Variants in SEMA5A observed in about 807,000 individuals in gnomAD.
SEMA5A encodes the protein semaphorin 5A.
In SEMA5A, 55 loss-of-function variants were observed where a neutral mutation model predicts 135.5. That is an observed-to-expected ratio of 0.41 (90% CI 0.33 to 0.51). The LOEUF (loss-of-function observed/expected upper bound fraction) is 0.51, where lower values mean the gene tolerates loss of function less well. SEMA5A is among the 20% of genes least tolerant of loss of function. The pLI, the probability that SEMA5A is intolerant of heterozygous loss-of-function variation, is 0.37. For synonymous variants in SEMA5A, 580 were observed against 546.5 expected (o/e 1.06, Z -0.85); for missense variants, 1,290 against 1,419.9 (o/e 0.91, Z 1.47).
intron 1 of SEMA5A, among the ~76,000 whole-genome samples, chr5:9,478,165 AGAGTT>A (rs1759742034): frequency 6.6e-6 from 1 of 152,250 alleles, no homozygotes; most frequent in Non-Finnish European, 1.5e-5. Flanking sequence ...ACAGAAAACA[AGAGTT>A]GAGCTTTGAG....
chr5:9,221,536 T>G (rs972249604), intron 8 of SEMA5A, among the ~76,000 whole-genome samples: 1 of 151,926 alleles, frequency 6.6e-6, no homozygotes, highest in Non-Finnish European at 1.5e-5. Context: ...TCTCCTGACC[T>G]CGTGATCCGC....
chr5:9,376,628 C>T (rs557466907), intron 3 of SEMA5A, among the ~76,000 whole-genome samples: 1 of 152,208 alleles, frequency 6.6e-6, no homozygotes, highest in Non-Finnish European at 1.5e-5. Flanking sequence ...AACTGAGCAT[C>T]TTCTTGATCT....
intron 1 of SEMA5A, among the ~76,000 whole-genome samples, chr5:9,532,083 C>A (rs1324303372): frequency 6.6e-6 from 1 of 152,182 alleles, no homozygotes; most frequent in African/African-American, 2.4e-5. Context: ...ATGAATAAGG[C>A]ACAATAATTC....
At chr5:9,213,583 G>A (rs536909545) in intron 8 of SEMA5A, among the ~76,000 whole-genome samples, 26 of 152,244 alleles carry the variant, frequency 1.7e-4, no homozygotes, top group Non-Finnish European at 2.6e-4. Context: ...GCAGAACAGC[G>A]CCCAGCAAAC....
intron 12 of SEMA5A, among the ~76,000 whole-genome samples, chr5:9,150,780 C>G (rs1742591222): frequency 6.6e-6 from 1 of 152,124 alleles, no homozygotes; most frequent in South Asian, 2.1e-4. Flanking sequence ...AGTCTGATGG[C>G]AAGCAGAATG....
intron 2 of SEMA5A, among the ~76,000 whole-genome samples, chr5:9,429,928 G>A (rs1420777236): frequency 6.6e-6 from 1 of 152,254 alleles, no homozygotes; most frequent in Non-Finnish European, 1.5e-5. Context: ...TCAGCAGAGA[G>A]CCTGTCTGGT....
rs1745930655 is a variant in SEMA5A, at chr5:9,204,991, C to T, written c.647-2751G>A. 6.6e-6 allele frequency among the ~76,000 whole-genome samples: 1 copy of T among 152,174 alleles called. No homozygotes were observed. The highest frequency in any genetic ancestry group is 2.4e-5 in the African/African-American group (1 of 41,422). ...TCCCTAAACCATCCCCTCTATCCTC[C>T]CTGCCACCCCCAGTTTATGGAAGAC... On this transcript the variant is annotated intron_variant, in intron 8 of 22. Transcript: ENST00000382496. This position sits in a 1 kb window ranked among gnomAD's most constrained non-coding sequence, Gnocchi z 6.4.
rs374693547 is a variant in SEMA5A, at chr5:9,081,474, A to G, written c.2074-14828T>C. 7.2e-5 allele frequency among the ~76,000 whole-genome samples: 11 copies of G among 152,348 alleles called. No individual in the cohort carries two copies. The East Asian group carries it at 1.5e-3, about 21-fold the overall frequency. ...TATATATAGACATAGATAGAGATATATACATCCAGTTTCCCACTGGCAAGG... is the reference window on the plus strand; with the variant it reads ...TATATATAGACATAGATAGAGATATGTACATCCAGTTTCCCACTGGCAAGG... On this transcript the variant is annotated intron_variant, in intron 16 of 22. Transcript: ENST00000382496.
chr5:9,435,915 C>G (rs1335155736), intron 2 of SEMA5A, among the ~76,000 whole-genome samples: 1 of 152,184 alleles, frequency 6.6e-6, no homozygotes, highest in East Asian at 1.9e-4. Flanking sequence ...TTCTGAGTTT[C>G]TCTCTACAGG....
intron 19 of SEMA5A, 107 bp from the exon 20 acceptor site, chr5:9,052,135 A>T (rs749231031): frequency 3.0e-5 from 38 of 1,253,008 alleles, no homozygotes; most frequent in Non-Finnish European, 3.9e-5. Context: ...AGGATTCCAT[A>T]GCATATTTTT....
chr5:9,207,009 G>A (rs1746057634), intron 8 of SEMA5A, among the ~76,000 whole-genome samples: 1 of 145,574 alleles, frequency 6.9e-6, no homozygotes, highest in Non-Finnish European at 1.5e-5. Flanking sequence ...GCTTTTGACT[G>A]CAAAATAGTA....
chr5:9,405,813 C>T (rs1358793557), intron 2 of SEMA5A, among the ~76,000 whole-genome samples: 1 of 152,090 alleles, frequency 6.6e-6, no homozygotes, highest in Non-Finnish European at 1.5e-5. Flanking sequence ...ATTGAATTGG[C>T]CATATAGAAG....
intron 5 of SEMA5A, among the ~76,000 whole-genome samples, chr5:9,281,684 G>A (rs1750548611): frequency 6.6e-6 from 1 of 152,180 alleles, no homozygotes; most frequent in Admixed American, 6.5e-5. Flanking sequence ...AATAGGGTAA[G>A]GCAAATCGGG....
intron 1 of SEMA5A, among the ~76,000 whole-genome samples, chr5:9,469,005 T>G (rs1186701229): frequency 6.6e-6 from 1 of 152,112 alleles, no homozygotes; most frequent in Non-Finnish European, 1.5e-5. Flanking sequence ...TTTTTTGTTT[T>G]GTTTTGTTTT....
At chr5:9,196,034 C>T (rs1745368423) in intron 10 of SEMA5A, among the ~76,000 whole-genome samples, 1 of 152,338 alleles carries the variant, frequency 6.6e-6, no homozygotes, top group South Asian at 2.1e-4. Flanking sequence ...AAGGCATTAC[C>T]CACCATAGCA....
intron 1 of SEMA5A, among the ~76,000 whole-genome samples, chr5:9,515,822 C>A (rs1337091866): frequency 3.9e-5 from 6 of 152,076 alleles, no homozygotes; most frequent in Non-Finnish European, 8.8e-5. Context: ...TTAACCTTCC[C>A]AAAAAATAGT....
intron 2 of SEMA5A, among the ~76,000 whole-genome samples, chr5:9,414,266 G>GCATAA (rs1757207622): frequency 6.6e-6 from 1 of 152,098 alleles, no homozygotes; most frequent in Non-Finnish European, 1.5e-5. Context: ...CATAAGACAT[G>GCATAA]GAAAACTACT....
chr5:9,176,845 A>C (rs1421804459), intron 11 of SEMA5A, among the ~76,000 whole-genome samples: 1 of 152,220 alleles, frequency 6.6e-6, no homozygotes, highest in African/African-American at 2.4e-5. Context: ...TCTGGTATTC[A>C]GGTCAGACTC....
chr5:9,201,769 T>C (rs565221107), intron 9 of SEMA5A, among the ~76,000 whole-genome samples, 186 bp downstream of exon 9: 1 of 152,328 alleles, frequency 6.6e-6, no homozygotes, highest in East Asian at 1.9e-4. Flanking sequence ...CTAATACCAG[T>C]CTCACAAATC....
Sources: allele counts gnomAD v4.1 joint callset (sites outside exome capture counted in the v4.1 genomes callset), GRCh38; gene constraint gnomAD v4.1.1; non-coding constraint Gnocchi (gnomAD v3.1); transcripts MANE v1.5; gene names NCBI Gene and HGNC (gene_info 2026-07-23, HGNC 2026-07-21).